GPC6: variants seen among roughly 807,000 people sequenced by gnomAD.
GPC6 encodes the protein glypican-6.
GPC6 carries 14 observed loss-of-function variants against 55.2 expected under a neutral mutation model. That is an observed-to-expected ratio of 0.25 (90% CI 0.17 to 0.40). The LOEUF is 0.40. Ranked by LOEUF, GPC6 falls within the 10% of genes least tolerant of loss-of-function variation. The pLI, the probability that GPC6 is intolerant of heterozygous loss-of-function variation, is 1.00. For synonymous variants in GPC6, 278 were observed against 259.6 expected, an observed-to-expected ratio of 1.07 and a Z score of -0.68; for missense variants, 641 against 708.5, an observed-to-expected ratio of 0.90 and a Z score of 1.08.
chr13:93,850,893 G>A (rs530623248), intron 3 of GPC6, among the ~76,000 whole-genome samples: 2 of 152,078 alleles, frequency 1.3e-5, no homozygotes, highest in South Asian at 4.1e-4. Context: ...ATATGACTGA[G>A]AAACTGAAGT....
At chr13:93,952,855 TATATATATGTATATATATAC>T (rs1462082286) in intron 3 of GPC6, among the ~76,000 whole-genome samples, 2 of 106,434 alleles carry the variant, frequency 1.9e-5, no homozygotes, top group East Asian at 7.3e-4. Context: ...TATATATACG[TATATATATGTATATATATAC>T]ATATATATAT....
intron 3 of GPC6, among the ~76,000 whole-genome samples, chr13:93,996,573 A>C (rs931749501): frequency 6.6e-6 from 1 of 152,086 alleles, no homozygotes; most frequent in African/African-American, 2.4e-5. Flanking sequence ...ACTTTTTCAA[A>C]ACATTTAATA....
chr13:94,311,723 T>C (rs970507332), intron 6 of GPC6, among the ~76,000 whole-genome samples: 7 of 152,180 alleles, frequency 4.6e-5, no homozygotes, highest in African/African-American at 7.2e-5. Context: ...CCCATATCCA[T>C]ATGCCCTGAG....
chr13:93,348,232 T>C (rs1271474623), intron 1 of GPC6, among the ~76,000 whole-genome samples: 1 of 152,212 alleles, frequency 6.6e-6, no homozygotes. Flanking sequence ...TGGTTTGTTC[T>C]AGTTGGATGT....
intron 6 of GPC6, among the ~76,000 whole-genome samples, chr13:94,326,205 GCACACACA>G (rs3138573): frequency 1.4e-4 from 20 of 147,880 alleles, no homozygotes; most frequent in African/African-American, 2.7e-4. Context: ...GTATGCTTGT[GCACACACA>G]CACACACACA....
chr13:93,636,949 CCTCTT>C (rs1164755487), intron 2 of GPC6, among the ~76,000 whole-genome samples: 1 of 149,530 alleles, frequency 6.7e-6, no homozygotes, highest in East Asian at 2.0e-4. Context: ...TTTTCTCTCT[CCTCTT>C]AGTGGAGCAC....
chr13:93,250,039 T>A (rs1024692612), intron 1 of GPC6, among the ~76,000 whole-genome samples: 4 of 152,194 alleles, frequency 2.6e-5, no homozygotes, highest in African/African-American at 9.7e-5. Flanking sequence ...TCAAGTGGGA[T>A]ACTTGCTGTG....
intron 4 of GPC6, among the ~76,000 whole-genome samples, chr13:94,152,864 A>G (rs977665441): frequency 5.3e-5 from 8 of 152,122 alleles, no homozygotes; most frequent in African/African-American, 1.7e-4. Context: ...ACCAATAACT[A>G]CTAAGCACCT....
intron 1 of GPC6, among the ~76,000 whole-genome samples, chr13:93,285,340 C>A (rs1183116541): frequency 6.6e-6 from 1 of 152,042 alleles, no homozygotes; most frequent in Non-Finnish European, 1.5e-5. Context: ...AGTAAATATG[C>A]AGACAGATAC....
At chr13:93,996,227 A>C (rs1317062206) in intron 3 of GPC6, among the ~76,000 whole-genome samples, 1 of 152,214 alleles carries the variant, frequency 6.6e-6, no homozygotes, top group East Asian at 1.9e-4. Flanking sequence ...TGATTGTGTA[A>C]TTAAAATTTC....
At chr13:93,394,385 T>C (rs969589112) in intron 1 of GPC6, among the ~76,000 whole-genome samples, 1 of 152,208 alleles carries the variant, frequency 6.6e-6, no homozygotes, top group African/African-American at 2.4e-5. Flanking sequence ...TAAATGCTGA[T>C]TGAAGGAACT....
At chr13:93,800,519 C>T (rs975768243) in intron 2 of GPC6, among the ~76,000 whole-genome samples, 5 of 152,106 alleles carry the variant, frequency 3.3e-5, no homozygotes, top group African/African-American at 1.2e-4. Flanking sequence ...GGGAAACTGT[C>T]TTTAGAGCAG....
At chr13:94,056,178 G>A (rs1884125552) in intron 4 of GPC6, among the ~76,000 whole-genome samples, 1 of 152,122 alleles carries the variant, frequency 6.6e-6, no homozygotes, top group Admixed American at 6.5e-5. Context: ...GCCATTTCTA[G>A]AGTTTTGGAC....
intron 1 of GPC6, among the ~76,000 whole-genome samples, chr13:93,507,279 C>T (rs1880774366): frequency 6.6e-6 from 1 of 152,112 alleles, no homozygotes; most frequent in Non-Finnish European, 1.5e-5. Flanking sequence ...GAAGACTGGA[C>T]TAGAGCCCAC....
At chr13:94,322,079 T>C (rs1383154000) in intron 6 of GPC6, among the ~76,000 whole-genome samples, 3 of 152,182 alleles carry the variant, frequency 2.0e-5, no homozygotes, top group Non-Finnish European at 4.4e-5. Flanking sequence ...GCTCCCATAA[T>C]TCCCACGTGT....
chr13:93,236,687 C>T (rs1425560467), intron 1 of GPC6, among the ~76,000 whole-genome samples: 1 of 152,168 alleles, frequency 6.6e-6, no homozygotes, highest in African/African-American at 2.4e-5. Flanking sequence ...AAACCATCCC[C>T]ACCAATCCAT....
intron 1 of GPC6, among the ~76,000 whole-genome samples, chr13:93,441,882 C>T (rs1877817765): frequency 6.6e-6 from 1 of 152,022 alleles, no homozygotes; most frequent in African/African-American, 2.4e-5. Context: ...TTTAAGGAAA[C>T]CAGTGAAGAC....
chr13:93,302,995 C>T (rs538641449), intron 1 of GPC6, among the ~76,000 whole-genome samples: 24 of 152,224 alleles, frequency 1.6e-4, no homozygotes, highest in South Asian at 2.1e-4. Flanking sequence ...ATAAGCTAAA[C>T]GAATCACAAA....
chr13:94,309,440 T>A (rs1033274044), intron 6 of GPC6, among the ~76,000 whole-genome samples: 1 of 152,156 alleles, frequency 6.6e-6, no homozygotes, highest in South Asian at 2.1e-4. Flanking sequence ...AGTAAACTGC[T>A]GCTATACCTT....
Sources: allele counts gnomAD v4.1 joint callset (sites outside exome capture counted in the v4.1 genomes callset), GRCh38; gene constraint gnomAD v4.1.1; transcripts MANE v1.5; gene names NCBI Gene and HGNC (gene_info 2026-07-23, HGNC 2026-07-21).